Variants in COMMD1 observed in about 807,000 individuals in gnomAD.
The protein encoded by COMMD1 is COMM domain-containing protein 1.
A neutral mutation model predicts 17.2 loss-of-function variants in COMMD1; 10 were observed. The ratio of observed to expected loss-of-function variants is 0.58; its 90% CI spans 0.36 to 0.99. COMMD1 has a LOEUF of 0.99. Among genes scored for constraint, COMMD1 ranks in the 50% least tolerant of loss-of-function variants. COMMD1 has a pLI of 0.01. For synonymous variants in COMMD1, 97 were observed against 91.6 expected (o/e 1.06, Z -0.34); for missense variants, 270 against 231.8 (o/e 1.17, Z -1.07).
chr2:61,917,291 A>C (rs1670074800), intron 1 of COMMD1, among the ~76,000 whole-genome samples: 2 of 151,312 alleles, frequency 1.3e-5, no homozygotes. Flanking sequence ...CGGGAGGCGG[A>C]GGTTGCAGTG....
Position 62,027,579 on chromosome 2 carries a change from G to A in COMMD1, c.462+26597G>A, listed in dbSNP as rs115084218. ...ATTTAAATCTTCAGTATAATTTTGT[G>A]ACAGAAAAGGACAGCAATGCCTGCA... On this transcript the variant is annotated intron_variant, in intron 2 of 2. Coordinates refer to ENST00000311832, the MANE Select transcript of COMMD1 (RefSeq NM_152516.4). 2.4e-3 allele frequency among the ~76,000 whole-genome samples: 365 copies of A among 152,144 alleles called. 1 individual carries two copies. The highest frequency in any genetic ancestry group is 8.6e-3 in the African/African-American group (358 of 41,490).
At chr2:61,889,347 C>T (rs1449596416) in intron 1 of COMMD1, among the ~76,000 whole-genome samples, 2 of 151,852 alleles carry the variant, frequency 1.3e-5, no homozygotes, top group East Asian at 3.9e-4. Context: ...GCCAGGACGA[C>T]AGGTGCCCGC....
intron 1 of COMMD1, among the ~76,000 whole-genome samples, chr2:61,989,507 G>C (rs936210308): frequency 1.4e-4 from 21 of 149,850 alleles, no homozygotes; most frequent in African/African-American, 4.2e-4. Context: ...CGGTCGCCCA[G>C]GCTGGAGTGC....
At chr2:61,940,258 T>C (rs545381923) in intron 1 of COMMD1, among the ~76,000 whole-genome samples, 89 of 152,304 alleles carry the variant, frequency 5.8e-4, no homozygotes, top group African/African-American at 2.0e-3. Flanking sequence ...TTAATATTTG[T>C]CAAAGGGCAG....
intron 1 of COMMD1, among the ~76,000 whole-genome samples, chr2:61,930,654 TGTGA>T (rs1184508971): frequency 5.7e-4 from 82 of 143,708 alleles, no homozygotes; most frequent in Non-Finnish European, 9.2e-4. Context: ...TGTGTGTGTG[TGTGA>T]GTGAGTGTTT....
chr2:62,069,542 G>A (rs1375911430), intron 2 of COMMD1: 2 of 152,160 alleles, frequency 1.3e-5, no homozygotes. Context: ...ATTAATTGAA[G>A]GGGACAGAAT....
intron 1 of COMMD1, among the ~76,000 whole-genome samples, chr2:61,939,844 C>G (rs1572982882): frequency 1.3e-5 from 2 of 152,188 alleles, no homozygotes; most frequent in African/African-American, 4.8e-5. Context: ...GTCATGAGAG[C>G]TATCAGGCAC....
rs76339113 is a variant in COMMD1, at chr2:62,088,652, C to T, written c.463-47179C>T. Among the ~76,000 whole-genome samples, 1,420 of 152,314 alleles carry T rather than the reference C, an allele frequency of 9.3e-3. 17 individuals carry two copies. The highest frequency in any genetic ancestry group is 0.032 in the African/African-American group (1,322 of 41,558). On this transcript the variant is annotated intron_variant, in intron 2 of 2. Transcript: ENST00000311832. Reference sequence around the variant, plus strand: ...CTTTTCCTGGTTTCTAATCATTTACCTCTAGTCCTTCACATTGCTTTCTGA... The same window carrying T: ...CTTTTCCTGGTTTCTAATCATTTACTTCTAGTCCTTCACATTGCTTTCTGA...
intron 1 of COMMD1, among the ~76,000 whole-genome samples, chr2:61,926,918 C>G (rs986849357): frequency 6.6e-6 from 1 of 152,114 alleles, no homozygotes; most frequent in Non-Finnish European, 1.5e-5. Flanking sequence ...TCAACCTTGG[C>G]TAAATAAACC....
chr2:62,036,677 G>T (rs11679439), intron 2 of COMMD1, among the ~76,000 whole-genome samples: 22,175 of 152,156 alleles, frequency 0.15, 1,740 homozygotes, highest in East Asian at 0.2. Flanking sequence ...TTTGACATCA[G>T]TTCTAATGTT....
chr2:61,889,245 C>T (rs1398074824), intron 1 of COMMD1, among the ~76,000 whole-genome samples: 3 of 110,770 alleles, frequency 2.7e-5, no homozygotes, highest in African/African-American at 1.1e-4. Context: ...CTCGCTCTGT[C>T]GTCCAGGCGG....
intron 1 of COMMD1, among the ~76,000 whole-genome samples, chr2:61,963,051 T>A (rs1671402024): frequency 6.6e-6 from 1 of 151,188 alleles, no homozygotes; most frequent in South Asian, 2.1e-4. Flanking sequence ...TCTCAGCTAC[T>A]CGGGAGGCTG....
intron 1 of COMMD1, among the ~76,000 whole-genome samples, chr2:61,974,256 C>G (rs1446705363): frequency 6.6e-6 from 1 of 152,064 alleles, no homozygotes; most frequent in African/African-American, 2.4e-5. Context: ...GCACTCCAGC[C>G]TGGGCAACAG....
At chr2:62,109,867 T>A (rs1026225486) in intron 2 of COMMD1, among the ~76,000 whole-genome samples, 2 of 149,506 alleles carry the variant, frequency 1.3e-5, no homozygotes, top group East Asian at 4.0e-4. Context: ...ACCTGGGAGG[T>A]GGCTAATAGT....
At chr2:62,045,730 A>ATTTTTTTTT (rs71410917) in intron 2 of COMMD1, among the ~76,000 whole-genome samples, 4 of 84,898 alleles carry the variant, frequency 4.7e-5, no homozygotes, top group African/African-American at 9.6e-5. Flanking sequence ...TTTCAAGTTA[A>ATTTTTTTTT]TTTTTTTTTT....
chr2:62,121,077 T>C (rs1322254053), intron 2 of COMMD1, among the ~76,000 whole-genome samples: 1 of 151,590 alleles, frequency 6.6e-6, no homozygotes, highest in Non-Finnish European at 1.5e-5. Flanking sequence ...AACCATTAAA[T>C]CCTCCCTAAA....
At chr2:61,916,873 A>G (rs1203888591) in intron 1 of COMMD1, among the ~76,000 whole-genome samples, 1 of 152,148 alleles carries the variant, frequency 6.6e-6, no homozygotes, top group Non-Finnish European at 1.5e-5. Flanking sequence ...TTGCTAAGAC[A>G]TTTTGGGGTA....
rs1013325748 is a variant in COMMD1 at position 62,001,991 on chromosome 2, A to C, written c.462+1009A>C. ...GAGGCCAACCTGACCAACAGAGACC[A>C]GAAACCCCGCCTCTGCTAAAAATAC... On this transcript the variant is annotated intron_variant, in intron 2 of 2. Coordinates refer to ENST00000311832, the MANE Select transcript of COMMD1 (RefSeq NM_152516.4). Among the ~76,000 whole-genome samples, 5 of 152,000 alleles carry C rather than the reference A, an allele frequency of 3.3e-5. No homozygotes were observed. In the South Asian group the frequency reaches 1.0e-3, roughly 31 times the overall value.
intron 2 of COMMD1, among the ~76,000 whole-genome samples, chr2:62,130,127 A>G (rs1178969190): frequency 3.3e-5 from 5 of 150,658 alleles, no homozygotes; most frequent in African/African-American, 1.2e-4. Flanking sequence ...ATGAGCCGAG[A>G]TCGCGCCAGT....
Sources: allele counts gnomAD v4.1 joint callset (sites outside exome capture counted in the v4.1 genomes callset), GRCh38; gene constraint gnomAD v4.1.1; transcripts MANE v1.5; gene names NCBI Gene and HGNC (gene_info 2026-07-23, HGNC 2026-07-21).